The following RUNX2 variants were observed in gnomAD, a reference collection of about 807,000 sequenced individuals.
RUNX2 encodes runt-related transcription factor 2.
A neutral mutation model predicts 51.7 loss-of-function variants in RUNX2; 10 were observed. The ratio of observed to expected loss-of-function variants is 0.19; its 90% CI spans 0.12 to 0.33. The LOEUF is 0.33. RUNX2 is among the 10% of genes least tolerant of loss of function. RUNX2 has a pLI of 1.00. For synonymous variants in RUNX2, 276 were observed against 273.6 expected, an observed-to-expected ratio of 1.01 and a Z score of -0.09; for missense variants, 562 against 691.3, an observed-to-expected ratio of 0.81 and a Z score of 2.10.
intron 2 of RUNX2, among the ~76,000 whole-genome samples, chr6:45,375,133 G>A (rs1446749734): frequency 6.6e-6 from 1 of 152,218 alleles, no homozygotes; most frequent in East Asian, 1.9e-4. Flanking sequence ...CTTGAACCCA[G>A]GAGGGGGAGG....
chr6:45,354,999 G>A (rs891607755), intron 2 of RUNX2, among the ~76,000 whole-genome samples: 5 of 152,004 alleles, frequency 3.3e-5, no homozygotes, highest in African/African-American at 1.2e-4. Context: ...TTTGGAGACA[G>A]GGTCTCACTC....
intron 2 of RUNX2, among the ~76,000 whole-genome samples, chr6:45,409,686 CTT>C (rs1797909445): frequency 1.3e-5 from 2 of 152,244 alleles, no homozygotes; most frequent in South Asian, 2.1e-4. Context: ...AATAATAACA[CTT>C]AATAATATGA....
At chr6:45,374,988 C>T (rs568771565) in intron 2 of RUNX2, among the ~76,000 whole-genome samples, 87 of 152,166 alleles carry the variant, frequency 5.7e-4, no homozygotes, top group Non-Finnish European at 9.0e-4. Flanking sequence ...GGGTGGAGCA[C>T]TTGAGATCAA....
intron 6 of RUNX2, among the ~76,000 whole-genome samples, chr6:45,494,147 G>A (rs982084125): frequency 1.3e-5 from 2 of 152,168 alleles, no homozygotes; most frequent in African/African-American, 2.4e-5. Flanking sequence ...TAGCATCCCC[G>A]CCTAGCAGAT....
Position 45,432,268 on chromosome 6 carries a change from G to A in RUNX2, c.580+249G>A, listed in dbSNP as rs546130220. On this transcript the variant is annotated intron_variant, in intron 4 of 8. Transcript: ENST00000647337. Reference sequence around the variant, plus strand: ...TAGCTCCTAATTTCACTGGGTGTGAGCATATAAGGTAGAGAAAAGAACAGT... The same window carrying A: ...TAGCTCCTAATTTCACTGGGTGTGAACATATAAGGTAGAGAAAAGAACAGT... Among the ~76,000 whole-genome samples, 4 of 152,258 alleles carry A rather than the reference G, an allele frequency of 2.6e-5. No individual in the cohort carries two copies. In the East Asian group the frequency reaches 5.8e-4, roughly 22 times the overall value.
chr6:45,371,337 A>G (rs972578292), intron 2 of RUNX2, among the ~76,000 whole-genome samples: 1 of 152,096 alleles, frequency 6.6e-6, no homozygotes, highest in Non-Finnish European at 1.5e-5. Context: ...TACTGTAGGC[A>G]TGTAAAAAAT....
intron 2 of RUNX2, among the ~76,000 whole-genome samples, chr6:45,378,139 T>C (rs1043414129): frequency 6.6e-6 from 1 of 152,156 alleles, no homozygotes; most frequent in African/African-American, 2.4e-5. Flanking sequence ...GTGCGCGGCC[T>C]TCAGGGCCCG....
chr6:45,400,065 A>C (rs2150351432), intron 2 of RUNX2, among the ~76,000 whole-genome samples: 1 of 122,736 alleles, frequency 8.1e-6, no homozygotes, highest in African/African-American at 3.0e-5. Flanking sequence ...GAGGGAAGGA[A>C]GGAAAGAAGG....
intron 5 of RUNX2, among the ~76,000 whole-genome samples, chr6:45,461,528 A>G (rs909524066): frequency 1.3e-5 from 2 of 152,202 alleles, no homozygotes; most frequent in Admixed American, 6.5e-5. Context: ...AACATCATGG[A>G]GAAGGAAAGT....
chr6:45,495,309 G>A (rs1016183242), intron 6 of RUNX2, among the ~76,000 whole-genome samples: 2 of 152,216 alleles, frequency 1.3e-5, no homozygotes, highest in African/African-American at 2.4e-5. Context: ...GGTGCAATAA[G>A]GGTTGAGAGG....
chr6:45,482,628 C>A (rs1252532610), intron 5 of RUNX2, among the ~76,000 whole-genome samples: 1 of 152,136 alleles, frequency 6.6e-6, no homozygotes, highest in East Asian at 1.9e-4. Context: ...AGATAGTGAA[C>A]TTTATGTCAC....
rs768956115 is a variant in RUNX2 at position 45,406,836 on chromosome 6, G to T, written c.59-15757G>T. On this transcript the variant is annotated intron_variant, in intron 2 of 8. Transcript: ENST00000647337. ...CATGAATTTTCCAAACCAATCTCCAGCCCAACCCAGTACTAGGAAATATAT... is the reference window on the plus strand; with the variant it reads ...CATGAATTTTCCAAACCAATCTCCATCCCAACCCAGTACTAGGAAATATAT... Among the ~76,000 whole-genome samples the T allele has an allele frequency of 4.5e-4, 68 of 152,056 alleles. 1 individual carries two copies. Among genetic ancestry groups the T allele is most frequent in the Admixed American group, 3.0e-3 (46 of 15,272 alleles).
chr6:45,438,688 T>C (rs1000541239), intron 5 of RUNX2, among the ~76,000 whole-genome samples: 2 of 152,200 alleles, frequency 1.3e-5, no homozygotes, highest in Non-Finnish European at 2.9e-5. Context: ...TCACCGGCAA[T>C]CAGTTTCAGG....
intron 2 of RUNX2, among the ~76,000 whole-genome samples, chr6:45,418,787 G>A (rs1053240996): frequency 2.6e-5 from 4 of 152,134 alleles, no homozygotes; most frequent in Non-Finnish European, 4.4e-5. Flanking sequence ...TACCTGAAAC[G>A]TTGTTAGGGT....
intron 7 of RUNX2, 109 bp downstream of exon 7, chr6:45,512,516 T>C (rs1801194827): frequency 8.3e-7 from 1 of 1,211,298 alleles, no homozygotes; most frequent in Non-Finnish European, 1.2e-6. Context: ...ATTAGAGGCA[T>C]GTGGGCAAGG....
intron 3 of RUNX2, among the ~76,000 whole-genome samples, chr6:45,425,645 T>C (rs1798363518): frequency 6.6e-6 from 1 of 152,226 alleles, no homozygotes; most frequent in Non-Finnish European, 1.5e-5. Flanking sequence ...AATGTATGGA[T>C]GTTTGGAACA....
Position 45,422,617 on chromosome 6 carries a change from GC to G in RUNX2, c.90del (p.Ser31ProfsTer9), listed in dbSNP as rs397515538. On this transcript the variant is annotated frameshift_variant, in exon 3 of 9. Coordinates refer to ENST00000647337, the MANE Select transcript of RUNX2 (RefSeq NM_001024630.4). LOFTEE classifies it high-confidence loss of function. ...FWDPSTSRRF[S>X]PPSSSLQPGK... is the part of the protein sequence containing the mutation. ...GATCCGAGCACCAGCCGGCGCTTCAGCCCCCCCTCCAGCAGCCTGCAGCCCG... is the reference window on the plus strand; with the variant it reads ...GATCCGAGCACCAGCCGGCGCTTCAGCCCCCCTCCAGCAGCCTGCAGCCCG... The G allele has an allele frequency of 1.2e-6, 2 of 1,605,386 alleles. No individual in the cohort carries two copies. Among genetic ancestry groups the G allele is most frequent in the African/African-American group, 1.3e-5 (1 of 74,332 alleles).
chr6:45,371,521 C>T (rs1003545864), intron 2 of RUNX2, among the ~76,000 whole-genome samples: 1 of 151,790 alleles, frequency 6.6e-6, no homozygotes, highest in African/African-American at 2.4e-5. Flanking sequence ...TAGCAGATAA[C>T]CTGAAATATT....
intron 6 of RUNX2, among the ~76,000 whole-genome samples, chr6:45,510,222 G>T (rs541883759): frequency 6.6e-6 from 1 of 152,288 alleles, no homozygotes; most frequent in South Asian, 2.1e-4. Context: ...ACAGAAGCCC[G>T]TTACTTTAAT....
Sources: allele counts gnomAD v4.1 joint callset (sites outside exome capture counted in the v4.1 genomes callset), GRCh38; gene constraint gnomAD v4.1.1; transcripts MANE v1.5; gene names NCBI Gene and HGNC (gene_info 2026-07-23, HGNC 2026-07-21).